METAP1: variants seen among roughly 807,000 people sequenced by gnomAD.
The protein encoded by METAP1 is methionine aminopeptidase 1.
METAP1 carries 28 observed loss-of-function variants against 53.8 expected under a neutral mutation model. The observed-to-expected ratio is 0.52, with a 90% CI of 0.39 to 0.71. The LOEUF is 0.71. Among genes scored for constraint, METAP1 ranks in the 30% least tolerant of loss-of-function variants. The pLI is 0.00. For missense variants in METAP1, 389 were observed against 479.8 expected (o/e 0.81, Z 1.77); for synonymous variants, 181 against 165.7 (o/e 1.09, Z -0.71).
At chr4:99,043,613 T>G (rs550459375) in intron 7 of METAP1, among the ~76,000 whole-genome samples, 1 of 152,234 alleles carries the variant, frequency 6.6e-6, no homozygotes, top group South Asian at 2.1e-4. Context: ...GTGTATTTCT[T>G]TAATGCTTAT....
chr4:99,010,680 T>C (rs1579247445), intron 1 of METAP1, among the ~76,000 whole-genome samples: 1 of 152,346 alleles, frequency 6.6e-6, no homozygotes, highest in East Asian at 1.9e-4. Flanking sequence ...ATATGAATTT[T>C]AGAATTTTTT....
At chr4:99,007,095 C>T (rs1419250857) in intron 1 of METAP1, among the ~76,000 whole-genome samples, 2 of 151,834 alleles carry the variant, frequency 1.3e-5, no homozygotes, top group African/African-American at 4.8e-5. Context: ...GTAGCTGGGA[C>T]CATAGGCATG....
intron 4 of METAP1, chr4:99,036,224 C>T (rs1278388751): frequency 2.0e-5 from 3 of 152,396 alleles, no homozygotes; most frequent in Non-Finnish European, 4.4e-5. Context: ...GCTAAGCTAT[C>T]CTTGCTTTGT....
At chr4:99,040,019 GC>G (rs1288454447) in intron 5 of METAP1, among the ~76,000 whole-genome samples, 12 of 152,292 alleles carry the variant, frequency 7.9e-5, no homozygotes, top group Non-Finnish European at 1.0e-4. Flanking sequence ...GAGCCATTGT[GC>G]CCGGTTTAGC....
At chr4:99,005,729 C>A in intron 1 of METAP1, 1 of 403,384 alleles carries the variant, frequency 2.5e-6, no homozygotes, top group Non-Finnish European at 4.9e-6. Flanking sequence ...TGAAATACTC[C>A]CCAGCCATTA....
At chr4:99,044,148 C>CA (rs1726063338) in intron 7 of METAP1, among the ~76,000 whole-genome samples, 2 of 152,054 alleles carry the variant, frequency 1.3e-5, no homozygotes, top group Admixed American at 1.3e-4. Flanking sequence ...AGGCTGGTCT[C>CA]AAACTCCTGG....
chr4:99,014,370 A>G (rs1163839288), intron 1 of METAP1, among the ~76,000 whole-genome samples: 1 of 152,232 alleles, frequency 6.6e-6, no homozygotes, highest in African/African-American at 2.4e-5. Context: ...CTAGCATCAT[A>G]TCAAGAGTGA....
intron 1 of METAP1, among the ~76,000 whole-genome samples, chr4:99,016,426 C>T (rs546490188): frequency 2.6e-5 from 4 of 152,174 alleles, no homozygotes; most frequent in South Asian, 2.1e-4. Flanking sequence ...GGGGTGCCAC[C>T]GAATGTGGTA....
intron 2 of METAP1, chr4:99,031,657 T>A (rs932451046): frequency 9.0e-7 from 1 of 1,114,780 alleles, no homozygotes; most frequent in Non-Finnish European, 1.2e-6. Context: ...ATGTGTACCA[T>A]GCATAGTAAG....
chr4:99,007,322 C>T (rs1053897353), intron 1 of METAP1, among the ~76,000 whole-genome samples: 1 of 152,150 alleles, frequency 6.6e-6, no homozygotes, highest in Non-Finnish European at 1.5e-5. Flanking sequence ...CATCAGGAGG[C>T]ACAGAGTGGC....
chr4:99,058,833 G>A (rs1727331526), intron 10 of METAP1, among the ~76,000 whole-genome samples: 1 of 152,168 alleles, frequency 6.6e-6, no homozygotes, highest in African/African-American at 2.4e-5. Flanking sequence ...GTTCCTTATT[G>A]CGTTTTCTGT....
At position 99,028,626 on chromosome 4, in the gene METAP1, A is replaced by T. The variant is rs145785864; in HGVS notation, c.115-241A>T. Among the ~76,000 whole-genome samples, 23 of 152,340 alleles carry T rather than the reference A, an allele frequency of 1.5e-4. 1 individual carries two copies. In the East Asian group the frequency reaches 4.0e-3, roughly 27 times the overall value. On this transcript the variant is annotated intron_variant, in intron 1 of 10. Transcript: ENST00000296411. ...GACATAAAATTGAAATATAACTGTGACTATTATATAACATTTAGCCTAATA... is the reference window on the plus strand; with the variant it reads ...GACATAAAATTGAAATATAACTGTGTCTATTATATAACATTTAGCCTAATA...
chr4:99,003,808 A>G (rs539572459), intron 1 of METAP1, among the ~76,000 whole-genome samples: 43 of 152,262 alleles, frequency 2.8e-4, no homozygotes, highest in African/African-American at 9.1e-4. Flanking sequence ...CAAGCGAGCA[A>G]TCATTTCTGC....
Position 99,045,323 on chromosome 4 carries a change from G to C in METAP1, c.787+13G>C, listed in dbSNP as rs1172879617. 1 of 1,613,058 alleles carries C rather than the reference G, an allele frequency of 6.2e-7. No homozygotes were observed. The highest frequency in any genetic ancestry group is 1.3e-5 in the African/African-American group (1 of 75,044). ...GCCATTGATGCAGGTCAGCCTCAGTGTTGAGCACCTATTGGCAGTCCTGTG... is the reference window on the plus strand; with the variant it reads ...GCCATTGATGCAGGTCAGCCTCAGTCTTGAGCACCTATTGGCAGTCCTGTG... On this transcript the variant is annotated intron_variant, in intron 8 of 10. Coordinates refer to ENST00000296411, the MANE Select transcript of METAP1 (RefSeq NM_015143.3).
chr4:99,045,303 T>C lies in METAP1; in HGVS notation c.780T>C (p.Ile260=). The stretch of plus-strand genomic sequence containing the variant: ...CATATGAGTGCCTGATGCAAGCCAT[T>C]GATGCAGGTCAGCCTCAGTGTTGAG... The part of the protein sequence containing the change: ...QTTYECLMQA[I]DAVKPGVRYR... The change falls in exon 8 of 11, where the codon ATT becomes ATC. Residue 260 remains isoleucine (I), a synonymous_variant. Coordinates refer to ENST00000296411, the MANE Select transcript of METAP1 (RefSeq NM_015143.3). 6.2e-7 allele frequency: 1 copy of C among 1,613,648 alleles called. No homozygotes were observed. The highest frequency in any genetic ancestry group is 8.5e-7 in the Non-Finnish European group (1 of 1,179,726).
rs917783922 is a variant in METAP1, at chr4:99,012,717, G to A, written c.115-16150G>A. Among the ~76,000 whole-genome samples the A allele has an allele frequency of 2.3e-4, 33 of 140,632 alleles. No homozygotes were observed. The Admixed American group carries it at 2.4e-3, about 10-fold the overall frequency. The allele number at this position is 140,632 out of a possible 152,430, so 92.3% of individuals were successfully genotyped here. On this transcript the variant is annotated intron_variant, in intron 1 of 10. Coordinates refer to ENST00000296411, the MANE Select transcript of METAP1 (RefSeq NM_015143.3). ...GGTTTATTCTGAGCCAAATAAGAGC[G>A]ACCAAGGTCTGTGACACAGCCTCAG... is the stretch of plus-strand genomic sequence containing the variant.
chr4:99,009,136 CT>C (rs1463507814), intron 1 of METAP1, among the ~76,000 whole-genome samples: 1 of 152,162 alleles, frequency 6.6e-6, no homozygotes, highest in Non-Finnish European at 1.5e-5. Context: ...AATATTTGTT[CT>C]TTTGTGACTG....
At chr4:99,060,421 T>C (rs1311818539) in intron 10 of METAP1, among the ~76,000 whole-genome samples, 1 of 144,398 alleles carries the variant, frequency 6.9e-6, no homozygotes, top group Non-Finnish European at 1.5e-5. Context: ...TGGAATGCAG[T>C]GGCGCGATCT....
At position 99,041,031 on chromosome 4, in the gene METAP1, C is replaced by A; in HGVS notation, c.433-12C>A. ...TGTCTTTTTTAATGTATTGAGTGTT[C>A]CTTTTTTACAGCTTGCTAGAGAAGT... is the stretch of plus-strand genomic sequence containing the variant. On this transcript the variant is annotated splice_polypyrimidine_tract_variant and intron_variant, in intron 5 of 10. Coordinates refer to ENST00000296411, the MANE Select transcript of METAP1 (RefSeq NM_015143.3). 2 of 1,598,530 alleles carry A rather than the reference C, an allele frequency of 1.3e-6. No individual in the cohort carries two copies. The highest frequency in any genetic ancestry group is 1.7e-6 in the Non-Finnish European group (2 of 1,169,308).
Sources: gnomAD v4.1 joint callset for allele counts (sites outside exome capture counted in the v4.1 genomes callset) on GRCh38, gnomAD v4.1.1 for gene constraint, MANE v1.5 for transcripts, NCBI Gene and HGNC (gene_info 2026-07-23, HGNC 2026-07-21) for gene names.